Variants in C9orf153 observed in about 807,000 individuals in gnomAD.
The protein encoded by C9orf153 is uncharacterized protein C9orf153.
Under a neutral mutation model 9.0 loss-of-function variants are expected in C9orf153, and 10 were observed. The observed-to-expected ratio is 1.11, with a 90% CI of 0.69 to 1.89. C9orf153 has a LOEUF of 1.89. Ranked by LOEUF, C9orf153 falls within the 40% of genes most tolerant of loss-of-function variation. The probability of loss-of-function intolerance (pLI) is 0.00; values close to 1 mark genes in which losing one functional copy is unlikely to be tolerated. For synonymous variants in C9orf153, 35 were observed against 37.3 expected, an observed-to-expected ratio of 0.94 and a Z score of 0.23; for missense variants, 108 against 111.0, an observed-to-expected ratio of 0.97 and a Z score of 0.12.
intron 3 of C9orf153, 127 bp downstream of exon 3, chr9:86,227,728 C>T (rs1824367845): frequency 7.1e-7 from 1 of 1,413,358 alleles, no homozygotes; most frequent in Non-Finnish European, 9.2e-7. Flanking sequence ...GAGGGGAGAT[C>T]CCACACTGTG....
At chr9:86,228,809 G>A (rs1824397724) in intron 2 of C9orf153, 1 of 165,502 alleles carries the variant, frequency 6.0e-6, no homozygotes, top group East Asian at 1.5e-4. Context: ...GCAACAAATA[G>A]AAAGTGAGCT....
intron 1 of C9orf153, among the ~76,000 whole-genome samples, chr9:86,247,334 C>A (rs542349134): frequency 6.6e-6 from 1 of 152,070 alleles, no homozygotes. Flanking sequence ...TGTGCACATT[C>A]CTCTACTTTA....
chr9:86,227,677 C>A, intron 3 of C9orf153, 178 bp downstream of exon 3: 1 of 985,256 alleles, frequency 1.0e-6, no homozygotes, highest in Non-Finnish European at 1.2e-6. Flanking sequence ...CCAAGGCATT[C>A]GAGTGATCGG....
intron 3 of C9orf153, 94 bp downstream of exon 3, chr9:86,227,761 G>A (rs1824368653): frequency 2.7e-6 from 4 of 1,487,462 alleles, no homozygotes; most frequent in Non-Finnish European, 3.6e-6. Context: ...GGGACCTGGA[G>A]AGCCTCTCCA....
chr9:86,240,430 G>A (rs1824706372), intron 1 of C9orf153, among the ~76,000 whole-genome samples: 1 of 146,646 alleles, frequency 6.8e-6, no homozygotes, highest in Non-Finnish European at 1.5e-5. Flanking sequence ...AGGCTGGAGT[G>A]CAGTGGCGCT....
At chr9:86,253,066 CT>C (rs1825030721) in intron 1 of C9orf153, among the ~76,000 whole-genome samples, 1 of 152,184 alleles carries the variant, frequency 6.6e-6, no homozygotes, top group East Asian at 1.9e-4. Flanking sequence ...TTCTCACCAC[CT>C]GATTTCTTCA....
intron 1 of C9orf153, among the ~76,000 whole-genome samples, chr9:86,234,880 T>A (rs1358728280): frequency 6.6e-6 from 1 of 152,176 alleles, no homozygotes. Flanking sequence ...AGCTGAAATA[T>A]GGGCAACGGG....
Position 86,227,848 on chromosome 9 carries a change from T to C in C9orf153, c.242+7A>G. On this transcript the variant is annotated splice_region_variant and intron_variant, in intron 3 of 3. Coordinates refer to ENST00000339137, the MANE Select transcript of C9orf153 (RefSeq NM_001276366.4). ...ATGCTTGCTTCTCTTTTTTAACCAC[T>C]GTGCACCTGATAACAGGTTGGAGAT... 1 of 1,606,784 alleles carries C rather than the reference T, an allele frequency of 6.2e-7. No homozygotes were observed. Among genetic ancestry groups the C allele is most frequent in the Non-Finnish European group, 8.5e-7 (1 of 1,177,454 alleles).
chr9:86,221,995 C>T (rs895867757), intron 3 of C9orf153, among the ~76,000 whole-genome samples: 1 of 152,058 alleles, frequency 6.6e-6, no homozygotes, highest in Non-Finnish European at 1.5e-5. Flanking sequence ...AAATGATTCT[C>T]CTGCCTCAGC....
chr9:86,225,625 A>T, intron 3 of C9orf153, among the ~76,000 whole-genome samples: 1 of 151,818 alleles, frequency 6.6e-6, no homozygotes, highest in East Asian at 1.9e-4. Flanking sequence ...CGCCCAGCTA[A>T]TTTTTTTGTA....
chr9:86,248,461 A>G (rs1177192431), intron 1 of C9orf153, among the ~76,000 whole-genome samples: 1 of 152,080 alleles, frequency 6.6e-6, no homozygotes, highest in Non-Finnish European at 1.5e-5. Context: ...TTTTAGCTTC[A>G]GAGAGTACGC....
chr9:86,250,641 GAAT>G (rs1824973401), intron 1 of C9orf153, among the ~76,000 whole-genome samples: 1 of 152,134 alleles, frequency 6.6e-6, no homozygotes, highest in African/African-American at 2.4e-5. Flanking sequence ...TAAGACATTT[GAAT>G]AATGTGTTGG....
intron 1 of C9orf153, among the ~76,000 whole-genome samples, chr9:86,251,371 C>T (rs190763710): frequency 2.0e-5 from 3 of 152,218 alleles, no homozygotes; most frequent in Admixed American, 2.0e-4. Flanking sequence ...AAATGTGTAT[C>T]ATAAATTGTT....
intron 1 of C9orf153, among the ~76,000 whole-genome samples, chr9:86,248,557 G>A (rs1156590199): frequency 6.6e-6 from 1 of 152,190 alleles, no homozygotes; most frequent in African/African-American, 2.4e-5. Context: ...CATTTTTAGA[G>A]AATGTTGAAT....
At chr9:86,247,983 C>T (rs901099714) in intron 1 of C9orf153, among the ~76,000 whole-genome samples, 3 of 152,156 alleles carry the variant, frequency 2.0e-5, no homozygotes, top group Non-Finnish European at 2.9e-5. Context: ...GTGGGACTCA[C>T]GGACTTTGGG....
At chr9:86,227,521 A>G in intron 3 of C9orf153, 2 of 1,366,232 alleles carry the variant, frequency 1.5e-6, no homozygotes, top group Non-Finnish European at 1.9e-6. Flanking sequence ...TTTCTCCCAC[A>G]TGGCCTCATC....
At chr9:86,257,208 T>C (rs967255383) in intron 1 of C9orf153, among the ~76,000 whole-genome samples, 4 of 152,208 alleles carry the variant, frequency 2.6e-5, no homozygotes, top group Non-Finnish European at 5.9e-5. Flanking sequence ...TATATTAATT[T>C]TGCCTTGGCT....
intron 1 of C9orf153, among the ~76,000 whole-genome samples, chr9:86,237,390 A>G (rs1471310522): frequency 6.6e-6 from 1 of 152,200 alleles, no homozygotes; most frequent in African/African-American, 2.4e-5. Context: ...AGAAACAGAG[A>G]GTGTCAGAGT....
At chr9:86,228,120 C>T in intron 2 of C9orf153, 90 bp from the exon 3 acceptor site, 1 of 906,908 alleles carries the variant, frequency 1.1e-6, no homozygotes, top group Non-Finnish European at 1.6e-6. Flanking sequence ...AACCATAGGA[C>T]AATAAATAAC....
Sources: allele counts gnomAD v4.1 joint callset (sites outside exome capture counted in the v4.1 genomes callset), GRCh38; gene constraint gnomAD v4.1.1; transcripts MANE v1.5; gene names NCBI Gene and HGNC (gene_info 2026-07-23, HGNC 2026-07-21).